Variants in RARS2 observed in about 807,000 individuals in gnomAD.
RARS2 encodes the protein arginyl-tRNA synthetase 2, mitochondrial, also known as probable arginine--tRNA ligase, mitochondrial.
A neutral mutation model predicts 88.5 loss-of-function variants in RARS2; 67 were observed. The ratio of observed to expected loss-of-function variants is 0.76; its 90% CI spans 0.62 to 0.93. The LOEUF (loss-of-function observed/expected upper bound fraction) is 0.93, where lower values mean the gene tolerates loss of function less well. Ranked by LOEUF, RARS2 falls within the 40% of genes least tolerant of loss-of-function variation. The pLI is 0.00. For synonymous variants in RARS2, 239 were observed against 230.3 expected (o/e 1.04, Z -0.34); for missense variants, 664 against 684.2 (o/e 0.97, Z 0.33).
intron 1 of RARS2, among the ~76,000 whole-genome samples, chr6:87,575,391 A>AT (rs1475227757): frequency 6.6e-6 from 1 of 152,134 alleles, no homozygotes; most frequent in Non-Finnish European, 1.5e-5. Flanking sequence ...AGAAAACTTA[A>AT]TACAAGATTA....
At chr6:87,542,038 C>A (rs1226872618) in intron 7 of RARS2, 44 bp from the exon 8 acceptor site, 3 of 1,441,186 alleles carry the variant, frequency 2.1e-6, no homozygotes, top group East Asian at 2.3e-5. Context: ...AGTTGAACAA[C>A]AGAGAATAGG....
At chr6:87,572,247 T>C (rs946630712) in intron 1 of RARS2, among the ~76,000 whole-genome samples, 2 of 152,222 alleles carry the variant, frequency 1.3e-5, no homozygotes, top group African/African-American at 4.8e-5. Context: ...ACTAGGGCTC[T>C]TGTGATGACT....
intron 2 of RARS2, among the ~76,000 whole-genome samples, chr6:87,567,655 A>G (rs1476211477): frequency 1.3e-5 from 2 of 152,244 alleles, no homozygotes; most frequent in East Asian, 3.8e-4. Flanking sequence ...CTGTAAAGGA[A>G]ACCTGAATTT....
At chr6:87,519,317 C>G (rs189283188) in intron 14 of RARS2, 10 of 405,322 alleles carry the variant, frequency 2.5e-5, no homozygotes, top group Admixed American at 7.6e-5. Context: ...AGAAACTTCA[C>G]GTAATCACCT....
chr6:87,557,166 G>T (rs1786227714), intron 4 of RARS2, among the ~76,000 whole-genome samples: 1 of 152,054 alleles, frequency 6.6e-6, no homozygotes, highest in African/African-American at 2.4e-5. Context: ...TTAAAGATGG[G>T]CAACATTTCC....
At chr6:87,529,092 A>T (rs1018976157) in intron 10 of RARS2, among the ~76,000 whole-genome samples, 1 of 152,146 alleles carries the variant, frequency 6.6e-6, no homozygotes, top group Non-Finnish European at 1.5e-5. Flanking sequence ...ACTTCATATT[A>T]CTTTTCCTGC....
At chr6:87,520,153 G>A in intron 13 of RARS2, 27 bp downstream of exon 13, 2 of 1,588,198 alleles carry the variant, frequency 1.3e-6, no homozygotes, top group Non-Finnish European at 1.7e-6. Context: ...ACCCTGCACA[G>A]ACAATTAAGA....
intron 14 of RARS2, 112 bp downstream of exon 14, chr6:87,519,471 T>C (rs938313633): frequency 5.7e-6 from 7 of 1,230,762 alleles, no homozygotes; most frequent in Non-Finnish European, 8.3e-6. Flanking sequence ...TTTGACAAAG[T>C]TAGTGACACT....
chr6:87,571,797 C>T (rs138868934), intron 1 of RARS2, among the ~76,000 whole-genome samples: 262 of 152,220 alleles, frequency 1.7e-3, no homozygotes, highest in African/African-American at 6.1e-3. Context: ...AAAAACTTGC[C>T]CAAACTTGCA....
chr6:87,565,349 T>C (rs752257390), intron 2 of RARS2, among the ~76,000 whole-genome samples: 5 of 152,216 alleles, frequency 3.3e-5, no homozygotes, highest in Middle Eastern at 6.8e-3. Context: ...ATTAAAGAGA[T>C]GGACAATGCC....
intron 1 of RARS2, among the ~76,000 whole-genome samples, chr6:87,579,676 G>A (rs1238234222): frequency 1.6e-5 from 2 of 123,774 alleles, no homozygotes; most frequent in South Asian, 2.9e-4. Flanking sequence ...GAGAGAGAGA[G>A]AAAATAAAAC....
At chr6:87,589,441 A>T (rs901113925) in intron 1 of RARS2, among the ~76,000 whole-genome samples, 1 of 152,190 alleles carries the variant, frequency 6.6e-6, no homozygotes. Flanking sequence ...AACCAAGAAA[A>T]ACTGAGTCTC....
intron 8 of RARS2, among the ~76,000 whole-genome samples, chr6:87,535,123 T>TGGCCGGGCGCGGTGGC (rs1778728342): frequency 6.6e-6 from 1 of 152,224 alleles, no homozygotes; most frequent in African/African-American, 2.4e-5. Context: ...AAACTATTTC[T>TGGCCGGGCGCGGTGGC]TACATATAAA....
intron 7 of RARS2, among the ~76,000 whole-genome samples, chr6:87,542,634 G>C (rs1388312175): frequency 6.8e-6 from 1 of 147,156 alleles, no homozygotes; most frequent in Non-Finnish European, 1.5e-5. Context: ...TTCAGGGATA[G>C]TGTTAATTTG....
intron 10 of RARS2, among the ~76,000 whole-genome samples, chr6:87,527,623 G>A (rs970967835): frequency 6.6e-6 from 1 of 152,120 alleles, no homozygotes; most frequent in African/African-American, 2.4e-5. Context: ...AGACAACCTA[G>A]AGGATTAAAG....
intron 4 of RARS2, among the ~76,000 whole-genome samples, chr6:87,562,302 C>T (rs1387850219): frequency 6.6e-6 from 1 of 152,146 alleles, no homozygotes; most frequent in Non-Finnish European, 1.5e-5. Flanking sequence ...CAAACCTGTA[C>T]AGCATGTCAC....
chr6:87,562,173 T>C (rs1788040019), intron 4 of RARS2, among the ~76,000 whole-genome samples: 1 of 152,174 alleles, frequency 6.6e-6, no homozygotes, highest in Non-Finnish European at 1.5e-5. Context: ...AGGGCTGGTC[T>C]TGAACTTCCG....
intron 8 of RARS2, among the ~76,000 whole-genome samples, chr6:87,540,472 T>TAAAA (rs1780591291): frequency 7.7e-6 from 1 of 129,382 alleles, no homozygotes. Context: ...AAAAAAAAAC[T>TAAAA]GGAATATGTT....
chr6:87,585,804 G>T (rs142495234), intron 1 of RARS2, among the ~76,000 whole-genome samples: 171 of 152,102 alleles, frequency 1.1e-3, no homozygotes, highest in Non-Finnish European at 2.1e-3. Flanking sequence ...TAAAAAATAC[G>T]TATAAAACAG....
Sources: allele counts gnomAD v4.1 joint callset (sites outside exome capture counted in the v4.1 genomes callset), GRCh38; gene constraint gnomAD v4.1.1; transcripts MANE v1.5; gene names NCBI Gene and HGNC (gene_info 2026-07-23, HGNC 2026-07-21).